The following FREM1 variants were observed in gnomAD, a reference collection of about 807,000 sequenced individuals.
The protein encoded by FREM1 is FRAS1 related extracellular matrix 1.
A neutral mutation model predicts 210.1 loss-of-function variants in FREM1; 220 were observed. The observed-to-expected ratio is 1.05, with a 90% CI of 0.94 to 1.17. FREM1 has a LOEUF of 1.17. Ranked by LOEUF, FREM1 falls within the 50% of genes most tolerant of loss-of-function variation. The pLI, the probability that FREM1 is intolerant of heterozygous loss-of-function variation, is 0.00. For synonymous variants in FREM1, 1,189 were observed against 980.2 expected, an observed-to-expected ratio of 1.21 and a Z score of -3.98; for missense variants, 3,454 against 2,675.5, an observed-to-expected ratio of 1.29 and a Z score of -6.42.
At position 14,769,735 on chromosome 9, in the gene FREM1, G is replaced by T. The variant is rs1378695511; in HGVS notation, c.5193C>A (p.Ala1731=). Residue 1731 remains alanine, a synonymous_variant, in exon 27 of 37, where the codon GCC becomes GCA. Coordinates refer to ENST00000380880, the MANE Select transcript of FREM1 (RefSeq NM_001379081.2). The stretch of plus-strand genomic sequence containing the variant: ...GCAAGAGAATTTACATTTGAGGAGT[G>T]GCCGAGTTCCCTGTGGGGTCCATGA... ...FQIMDPTGNS[A]TPQILELKWS... is the part of the protein sequence containing the mutation. 6.2e-7 allele frequency: 1 copy of T among 1,612,050 alleles called. No individual in the cohort carries two copies. The highest frequency in any genetic ancestry group is 1.3e-5 in the African/African-American group (1 of 74,814).
rs115809582 is a variant in FREM1 at position 14,870,179 on chromosome 9, G to C, written c.-267-935C>G. 5.5e-3 allele frequency among the ~76,000 whole-genome samples: 845 copies of C among 152,298 alleles called. 6 individuals carry two copies. The highest frequency in any genetic ancestry group is 0.019 in the African/African-American group (793 of 41,560). The stretch of plus-strand genomic sequence containing the variant: ...AATAAATTTCTGTGCATAACCAGTA[G>C]ATACCAAAATGAATGTTTGTCAGAA... On this transcript the variant is annotated intron_variant, in intron 1 of 36. Transcript: ENST00000380880.
chr9:14,763,475 G>A (rs1045446753), intron 27 of FREM1, among the ~76,000 whole-genome samples: 2 of 152,098 alleles, frequency 1.3e-5, no homozygotes, highest in African/African-American at 4.8e-5. Context: ...AGCCTGGGCG[G>A]CAGAGCAAGA....
chr9:14,746,840 A>C, intron 34 of FREM1, 83 bp downstream of exon 34: 1 of 1,461,032 alleles, frequency 6.8e-7, no homozygotes, highest in Non-Finnish European at 9.2e-7. Context: ...GGGTTGAGTC[A>C]TGCACCAGAT....
intron 5 of FREM1, among the ~76,000 whole-genome samples, chr9:14,854,096 G>A (rs1019981960): frequency 3.3e-5 from 5 of 152,116 alleles, no homozygotes; most frequent in African/African-American, 1.2e-4. Context: ...GGAGCCAAGA[G>A]AGCTCACTTC....
At chr9:14,859,086 A>C in intron 4 of FREM1, 97 bp downstream of exon 4, 1,543 of 783,868 alleles carry the variant, frequency 2.0e-3, no homozygotes, top group Non-Finnish European at 2.7e-3. Flanking sequence ...TAAAATGACT[A>C]GTTAACTAGA....
intron 18 of FREM1, 67 bp downstream of exon 18, chr9:14,806,594 G>A (rs1818413868): frequency 3.2e-6 from 3 of 936,222 alleles, no homozygotes; most frequent in South Asian, 2.9e-5. Flanking sequence ...TATTAAGCAT[G>A]ACCTGGCCAA....
chr9:14,888,954 T>A (rs1227793052), intron 1 of FREM1, among the ~76,000 whole-genome samples: 1 of 152,190 alleles, frequency 6.6e-6, no homozygotes, highest in Non-Finnish European at 1.5e-5. Context: ...CAAAGAGTTG[T>A]GTAGTATCCC....
chr9:14,821,930 C>T (rs1054718700), intron 13 of FREM1, among the ~76,000 whole-genome samples: 1 of 152,164 alleles, frequency 6.6e-6, no homozygotes, highest in African/African-American at 2.4e-5. Context: ...CGTGGTTTGG[C>T]CATGTCCCTA....
intron 1 of FREM1, among the ~76,000 whole-genome samples, chr9:14,890,200 G>A (rs1474956654): frequency 6.6e-6 from 1 of 152,170 alleles, no homozygotes; most frequent in African/African-American, 2.4e-5. Context: ...CCCTATTTGG[G>A]GATACCATGT....
In FREM1 at chr9:14,836,887, G is replaced by A. The variant is rs1333720947; in HGVS notation, c.1881+4560C>T. ...TATTGCCGCAGGGAGGAATGTGGTA[G>A]GAGTTATTAAGAAAAAGAAATTATT... On this transcript the variant is annotated intron_variant, in intron 10 of 36. Coordinates refer to ENST00000380880, the MANE Select transcript of FREM1 (RefSeq NM_001379081.2). The surrounding 1 kb of genome is among the most constrained non-coding windows in gnomAD (Gnocchi z 4.9). 6.6e-6 allele frequency among the ~76,000 whole-genome samples: 1 copy of A among 152,202 alleles called. No homozygotes were observed. Among genetic ancestry groups the A allele is most frequent in the African/African-American group, 2.4e-5 (1 of 41,456 alleles).
At chr9:14,758,688 G>A (rs557754367) in intron 28 of FREM1, among the ~76,000 whole-genome samples, 2 of 83,810 alleles carry the variant, frequency 2.4e-5, no homozygotes, top group African/African-American at 3.4e-5. Flanking sequence ...GGGATGGGGT[G>A]GGGGGGAGTC....
chr9:14,789,557 T>A (rs1850950822), intron 22 of FREM1, among the ~76,000 whole-genome samples: 1 of 152,208 alleles, frequency 6.6e-6, no homozygotes, highest in Non-Finnish European at 1.5e-5. Context: ...GGCTCATTAC[T>A]GGGCTTGTCT....
At chr9:14,887,404 C>G (rs1836008371) in intron 1 of FREM1, among the ~76,000 whole-genome samples, 1 of 152,216 alleles carries the variant, frequency 6.6e-6, no homozygotes, top group Non-Finnish European at 1.5e-5. Context: ...CTGACAATCT[C>G]ATGCCATTTC....
chr9:14,849,979 G>A (rs1049007527), intron 6 of FREM1, among the ~76,000 whole-genome samples: 50 of 152,290 alleles, frequency 3.3e-4, no homozygotes, highest in Middle Eastern at 3.4e-3. Flanking sequence ...AAAGCATAGC[G>A]TTTATAGCCT....
At chr9:14,770,878 G>C (rs1563883603) in intron 25 of FREM1, 72 bp from the exon 26 acceptor site, 1 of 1,064,408 alleles carries the variant, frequency 9.4e-7, no homozygotes, top group Non-Finnish European at 1.4e-6. Flanking sequence ...GGCTTTATTG[G>C]TTCAACAATG....
At chr9:14,835,116 A>G (rs1280414370) in intron 10 of FREM1, among the ~76,000 whole-genome samples, 1 of 152,250 alleles carries the variant, frequency 6.6e-6, no homozygotes, top group East Asian at 1.9e-4. Context: ...CAAGCAAAAC[A>G]AAATTTAACT....
chr9:14,774,558 T>G (rs1020812816), intron 25 of FREM1, among the ~76,000 whole-genome samples: 5 of 117,332 alleles, frequency 4.3e-5, no homozygotes, highest in African/African-American at 1.7e-4. Flanking sequence ...TCTCTCTCTC[T>G]CTCTCAGAGC....
chr9:14,789,091 G>C lies in FREM1; in HGVS notation c.4005C>G (p.Leu1335=). 1 of 1,597,256 alleles carries C rather than the reference G, an allele frequency of 6.3e-7. No homozygotes were observed. The highest frequency in any genetic ancestry group is 8.5e-7 in the Non-Finnish European group (1 of 1,171,114). The change falls in exon 23 of 37, where the codon CTC becomes CTG. Residue 1335 remains leucine, a synonymous_variant. Transcript: ENST00000380880. ...QLKIGRDWVP[L]SPGMKCTQEE... ...CCTGAGTGCATTTCATGCCAGGGGAGAGAGGAACCCAGTCCCTCCCTATCT... is the reference window on the plus strand; with the variant it reads ...CCTGAGTGCATTTCATGCCAGGGGACAGAGGAACCCAGTCCCTCCCTATCT...
chr9:14,746,543 C>T lies in FREM1; in HGVS notation c.6139-75G>A, dbSNP rs910751038. On this transcript the variant is annotated intron_variant, in intron 34 of 36. Transcript: ENST00000380880. ...AGTTGGTTCAGCATAAGGAGTCCTA[C>T]GAGTTCCCTAACTTCAGTCAAGTAG... 1.3e-5 allele frequency: 15 copies of T among 1,130,892 alleles called. No individual in the cohort carries two copies. The East Asian group carries it at 2.4e-4, about 18-fold the overall frequency. 70.1% of individuals were successfully genotyped at this position (1,130,892 alleles called of 1,614,324 possible).
Sources: allele counts gnomAD v4.1 joint callset (sites outside exome capture counted in the v4.1 genomes callset), GRCh38; gene constraint gnomAD v4.1.1; non-coding constraint Gnocchi (gnomAD v3.1); transcripts MANE v1.5; gene names NCBI Gene and HGNC (gene_info 2026-07-23, HGNC 2026-07-21).